Variants in ITGB5 observed in about 807,000 individuals in gnomAD.
ITGB5 encodes the protein integrin subunit beta 5, also known as integrin beta-5.
A neutral mutation model predicts 84.8 loss-of-function variants in ITGB5; 38 were observed. The observed-to-expected ratio is 0.45, with a 90% confidence interval of 0.35 to 0.59. The LOEUF is 0.59. ITGB5 is among the 20% of genes least tolerant of loss of function. The pLI is 0.01. For synonymous variants in ITGB5, 393 were observed against 414.4 expected (o/e 0.95, Z 0.63); for missense variants, 905 against 1,034.5 (o/e 0.87, Z 1.72).
At chr3:124,873,660 A>T in intron 1 of ITGB5, 129 bp from the exon 2 acceptor site, 1 of 747,578 alleles carries the variant, frequency 1.3e-6, no homozygotes, top group Non-Finnish European at 2.4e-6. Flanking sequence ...TGCAGGTACC[A>T]TTGCTAATTG....
At chr3:124,843,686 G>C (rs1326854925) in intron 4 of ITGB5, among the ~76,000 whole-genome samples, 2 of 152,140 alleles carry the variant, frequency 1.3e-5, no homozygotes, top group Non-Finnish European at 2.9e-5. Flanking sequence ...GATGTCACCT[G>C]TGATGAGTTA....
intron 3 of ITGB5, among the ~76,000 whole-genome samples, chr3:124,855,315 A>G (rs2065208452): frequency 6.6e-6 from 1 of 152,058 alleles, no homozygotes; most frequent in South Asian, 2.1e-4. Flanking sequence ...CTCTCTACAT[A>G]TATATAGATA....
chr3:124,891,808 G>T (rs1935007180), upstream of ITGB5, among the ~76,000 whole-genome samples: 1 of 151,894 alleles, frequency 6.6e-6, no homozygotes, highest in Non-Finnish European at 1.5e-5. Context: ...TGTAGTCCCA[G>T]CTACTTGGGA....
At chr3:124,790,944 T>G (rs1272012637) in intron 10 of ITGB5, among the ~76,000 whole-genome samples, 1 of 152,186 alleles carries the variant, frequency 6.6e-6, no homozygotes. Flanking sequence ...AATCCAAGAA[T>G]GAGGCTGACC....
At chr3:124,767,520 G>A (rs2063783984) in intron 12 of ITGB5, among the ~76,000 whole-genome samples, 1 of 152,248 alleles carries the variant, frequency 6.6e-6, no homozygotes, top group African/African-American at 2.4e-5. Flanking sequence ...TAAACCAAGC[G>A]AACCAGTCCT....
At chr3:124,833,776 G>T (rs947070331) in intron 5 of ITGB5, among the ~76,000 whole-genome samples, 1 of 152,178 alleles carries the variant, frequency 6.6e-6, no homozygotes, top group Non-Finnish European at 1.5e-5. Context: ...TCTGTTATGT[G>T]CCCAGCAGTG....
chr3:124,805,472 G>A (rs1407696519), intron 9 of ITGB5, among the ~76,000 whole-genome samples: 2 of 151,580 alleles, frequency 1.3e-5, no homozygotes, highest in African/African-American at 2.4e-5. Context: ...TTTTTTAAGA[G>A]ACGAGGTCTC....
chr3:124,832,659 C>A (rs1579267297), intron 5 of ITGB5, among the ~76,000 whole-genome samples: 1 of 152,352 alleles, frequency 6.6e-6, no homozygotes, highest in East Asian at 1.9e-4. Flanking sequence ...CCTACACATA[C>A]ATCAGTCCTA....
chr3:124,781,874 T>C (rs1335971116), intron 10 of ITGB5, among the ~76,000 whole-genome samples: 1 of 152,202 alleles, frequency 6.6e-6, no homozygotes, highest in East Asian at 1.9e-4. Context: ...CTCTGAGCAG[T>C]GCTGCCGTGC....
intron 13 of ITGB5, among the ~76,000 whole-genome samples, chr3:124,764,877 T>C (rs1332180519): frequency 1.3e-5 from 2 of 152,222 alleles, no homozygotes; most frequent in Non-Finnish European, 2.9e-5. Context: ...CGCTCAGCTT[T>C]CGTGTACATG....
intron 10 of ITGB5, among the ~76,000 whole-genome samples, chr3:124,794,569 TC>T (rs1462191912): frequency 6.6e-6 from 1 of 151,642 alleles, no homozygotes; most frequent in Non-Finnish European, 1.5e-5. Flanking sequence ...TCACCTGAGG[TC>T]AGGACTTCGA....
rs1260315327 is a variant in ITGB5, at chr3:124,766,352, G to A, written c.2018-7C>T. On this transcript the variant is annotated splice_region_variant and splice_polypyrimidine_tract_variant and intron_variant, in intron 12 of 14. Coordinates refer to ENST00000296181, the MANE Select transcript of ITGB5 (RefSeq NM_002213.5). ...GCCTCCTGGTCATCTTTCACTGGAA[G>A]AAAACCAAGCGGGAATGGCCTGAGT... 4 of 1,613,724 alleles carry A rather than the reference G, an allele frequency of 2.5e-6. No individual in the cohort carries two copies. Among genetic ancestry groups the A allele is most frequent in the African/African-American group, 1.3e-5 (1 of 74,932 alleles).
upstream of ITGB5, among the ~76,000 whole-genome samples, chr3:124,892,161 G>A (rs1050183574): frequency 3.3e-5 from 5 of 151,860 alleles, no homozygotes; most frequent in African/African-American, 1.2e-4. Context: ...AGAGGGAGAG[G>A]AGAATTTAGA....
chr3:124,799,508 C>T (rs897700890), intron 9 of ITGB5, among the ~76,000 whole-genome samples: 2 of 151,990 alleles, frequency 1.3e-5, no homozygotes, highest in African/African-American at 2.4e-5. Context: ...TGCAGTGAGC[C>T]GTGATCGTGT....
rs57376202 is a variant in ITGB5, at chr3:124,884,211, CA to C, written c.70+2719del. Among the ~76,000 whole-genome samples, 555 of 127,850 alleles carry C rather than the reference CA, an allele frequency of 4.3e-3. 4 individuals are homozygous for C. The highest frequency in any genetic ancestry group is 0.012 in the African/African-American group (438 of 36,312). The allele number at this position is 127,850 out of a possible 152,430, so 83.9% of individuals were successfully genotyped here. A position where few individuals can be genotyped will look rare whatever the true frequency, so the allele number is the denominator to read the frequency against. Reference sequence around the variant, plus strand: ...AAGAAAACAAAGAAGGGAAGGGAAGCAAAAAAAAAAAAGAAAAAAAAAAAGA... The same window carrying C: ...AAGAAAACAAAGAAGGGAAGGGAAGCAAAAAAAAAAAGAAAAAAAAAAAGA... On this transcript the variant is annotated intron_variant, in intron 1 of 14. Coordinates refer to ENST00000296181, the MANE Select transcript of ITGB5 (RefSeq NM_002213.5).
chr3:124,773,195 C>A (rs1459911460), intron 11 of ITGB5, among the ~76,000 whole-genome samples: 3 of 152,194 alleles, frequency 2.0e-5, no homozygotes, highest in South Asian at 2.1e-4. Flanking sequence ...GTGTGAGCCA[C>A]CATGCCCGGC....
At chr3:124,769,382 T>TC in intron 11 of ITGB5, 1 of 407,022 alleles carries the variant, frequency 2.5e-6, no homozygotes, top group Non-Finnish European at 4.5e-6. Flanking sequence ...AGGAGACAAA[T>TC]CCATCTGCAC....
At position 124,806,796 on chromosome 3, in the gene ITGB5, GT is replaced by G. The variant is rs10654284; in HGVS notation, c.1263+2225del. ...TGTCCTGTCACTGTAAAGCATTAGT[GT>G]TTTTTTTTTTAATCATCTGGATTGA... On this transcript the variant is annotated intron_variant, in intron 9 of 14. Transcript: ENST00000296181. Among the ~76,000 whole-genome samples the G allele has an allele frequency of 1.0e-3, 149 of 147,502 alleles. No individual in the cohort carries two copies. The South Asian group carries it at 0.025, about 25-fold the overall frequency.
chr3:124,898,637 C>G (rs1379687100), intron 1 of ITGB5, among the ~76,000 whole-genome samples: 1 of 71,534 alleles, frequency 1.4e-5, no homozygotes. Flanking sequence ...CAGCGAGACT[C>G]CGTCTCAAAA....
Sources: allele counts gnomAD v4.1 joint callset (sites outside exome capture counted in the v4.1 genomes callset), GRCh38; gene constraint gnomAD v4.1.1; transcripts MANE v1.5; gene names NCBI Gene and HGNC (gene_info 2026-07-23, HGNC 2026-07-21).